Variants in KCNC1 observed in about 807,000 individuals in gnomAD.
The protein encoded by KCNC1 is voltage-gated potassium channel KCNC1.
In KCNC1, 8 loss-of-function variants were observed where a neutral mutation model predicts 43.4. The observed-to-expected ratio is 0.18, with a 90% confidence interval of 0.11 to 0.33. The LOEUF (loss-of-function observed/expected upper bound fraction) is 0.33, where lower values mean the gene tolerates loss of function less well. Ranked by LOEUF, KCNC1 falls within the 10% of genes least tolerant of loss-of-function variation. The pLI is 1.00. For missense variants in KCNC1, 420 were observed against 836.0 expected, an observed-to-expected ratio of 0.50 and a Z score of 6.14; for synonymous variants, 361 against 360.5, an observed-to-expected ratio of 1.00 and a Z score of -0.01.
intron 1 of KCNC1, among the ~76,000 whole-genome samples, chr11:17,768,766 C>T (rs967943006): frequency 3.3e-5 from 5 of 152,114 alleles, no homozygotes; most frequent in African/African-American, 1.2e-4. Flanking sequence ...TTGTTCCTCT[C>T]GTCCCATACA....
In KCNC1 at chr11:17,765,736, G is replaced by T. The variant is rs1245190165; in HGVS notation, c.571-5929G>T. ...GGGTGGCAACTGCCATGGCCAGCCT[G>T]GGTGACAGTTGCCTGAGGGCTGCCC... On this transcript the variant is annotated intron_variant, in intron 1 of 3. Transcript: ENST00000265969. 2.6e-5 allele frequency: 4 copies of T among 152,254 alleles called. No homozygotes were observed. The East Asian group carries it at 5.8e-4, about 22-fold the overall frequency. The allele number at this position is 152,254 out of a possible 1,614,324, so 9.4% of individuals were successfully genotyped here.
At chr11:17,759,529 C>T (rs1159091860) in intron 1 of KCNC1, among the ~76,000 whole-genome samples, 1 of 152,160 alleles carries the variant, frequency 6.6e-6, no homozygotes, top group Non-Finnish European at 1.5e-5. Flanking sequence ...CCTCACTAAG[C>T]GTAATCATTT....
chr11:17,762,074 G>A (rs1218264798), intron 1 of KCNC1, among the ~76,000 whole-genome samples: 4 of 152,126 alleles, frequency 2.6e-5, no homozygotes, highest in Non-Finnish European at 4.4e-5. Context: ...CCCATCCCAC[G>A]GGATCCCTCT....
chr11:17,742,386 T>G lies in KCNC1; in HGVS notation c.570+5814T>G, dbSNP rs1848853617. On this transcript the variant is annotated intron_variant, in intron 1 of 3. Coordinates refer to ENST00000265969, the MANE Select transcript of KCNC1 (RefSeq NM_001112741.2). The surrounding 1 kb of genome is among the most constrained non-coding windows in gnomAD (Gnocchi z 4.2). The stretch of plus-strand genomic sequence containing the variant: ...CAGGGTCCACTGCCTGGGCTGAGGA[T>G]CTCAAGGCCTCCACGACAGCTGAAT... Among the ~76,000 whole-genome samples the G allele has an allele frequency of 6.6e-6, 1 of 152,104 alleles. No homozygotes were observed. The highest frequency in any genetic ancestry group is 2.4e-5 in the African/African-American group (1 of 41,412).
At position 17,777,176 on chromosome 11, in the gene KCNC1, G is replaced by A. The variant is rs1018660561; in HGVS notation, c.1505-2280G>A. The A allele has an allele frequency of 4.9e-5, 48 of 985,460 alleles. No homozygotes were observed. Among genetic ancestry groups the A allele is most frequent in the Admixed American group, 1.2e-4 (2 of 16,268 alleles). The allele number at this position is 985,460 out of a possible 1,614,324, so 61.0% of individuals were successfully genotyped here. A position where few individuals can be genotyped will look rare whatever the true frequency, so the allele number is the denominator to read the frequency against. On this transcript the variant is annotated intron_variant, in intron 2 of 3. Transcript: ENST00000265969. The surrounding 1 kb of genome is among the most constrained non-coding windows in gnomAD (Gnocchi z 4.3). ...GGGCTTGTGGACAGAACCAGTGGGCGGGGGCCCAGCATTCAGAGCCAGAGA... is the reference window on the plus strand; with the variant it reads ...GGGCTTGTGGACAGAACCAGTGGGCAGGGGCCCAGCATTCAGAGCCAGAGA...
intron 2 of KCNC1, chr11:17,772,996 G>T: frequency 9.3e-7 from 1 of 1,075,332 alleles, no homozygotes; most frequent in Middle Eastern, 4.3e-4. Context: ...GGTGTGATTT[G>T]GAAACGCTAG....
rs1289063835 is a variant in KCNC1, at chr11:17,735,744, G to A, written c.-259G>A. ...TCTTTCCTCCTCTGCCTCCTCCGCTGCCGGACCAGCTCCCTCCCACATCTG... is the reference window on the plus strand; with the variant it reads ...TCTTTCCTCCTCTGCCTCCTCCGCTACCGGACCAGCTCCCTCCCACATCTG... On this transcript the variant is annotated 5_prime_UTR_variant, in exon 1 of 4. Transcript: ENST00000265969. The surrounding 1 kb of genome is among the most constrained non-coding windows in gnomAD (Gnocchi z 6.7). 1.2e-5 allele frequency: 4 copies of A among 329,354 alleles called. No individual in the cohort carries two copies. 20.4% of individuals were successfully genotyped at this position (329,354 alleles called of 1,614,324 possible).
Position 17,736,004 on chromosome 11 carries a change from TG to T in KCNC1, c.5del (p.Gly2?). ...CGCCATGCCTAAGGGGGCGCCGCGA[TG>T]GGCCAAGGGGACGAGAGCGAGCGCA... The part of the protein sequence containing the change: [M>X]GQGDESERIV... On this transcript the variant is annotated frameshift_variant and start_lost, in exon 1 of 4. Transcript: ENST00000265969. LOFTEE classifies it high-confidence loss of function. The surrounding 1 kb of genome is among the most constrained non-coding windows in gnomAD (Gnocchi z 9.3). The T allele has an allele frequency of 6.8e-7, 1 of 1,463,072 alleles. No homozygotes were observed. Among genetic ancestry groups the T allele is most frequent in the Non-Finnish European group, 9.0e-7 (1 of 1,111,018 alleles). 90.6% of individuals were successfully genotyped at this position (1,463,072 alleles called of 1,614,324 possible).
intron 2 of KCNC1, chr11:17,775,861 G>C (rs1849280379): frequency 1.0e-6 from 1 of 985,404 alleles, no homozygotes; most frequent in South Asian, 4.7e-5. Flanking sequence ...TGGGCTCCCT[G>C]GGAGCTAACC....
At chr11:17,745,709 G>A (rs372861002) in intron 1 of KCNC1, among the ~76,000 whole-genome samples, 42 of 152,092 alleles carry the variant, frequency 2.8e-4, no homozygotes, top group African/African-American at 9.6e-4. Flanking sequence ...CCCCAGCGCT[G>A]CCCATGCTTC....
intron 1 of KCNC1, among the ~76,000 whole-genome samples, chr11:17,750,651 G>A (rs780008826): frequency 6.6e-6 from 1 of 152,004 alleles, no homozygotes; most frequent in Non-Finnish European, 1.5e-5. Flanking sequence ...GATCACCCTG[G>A]GCCCCAATGT....
At chr11:17,753,443 T>C (rs963375920) in intron 1 of KCNC1, among the ~76,000 whole-genome samples, 1 of 152,220 alleles carries the variant, frequency 6.6e-6, no homozygotes, top group East Asian at 1.9e-4. Flanking sequence ...ATCAGTCAGA[T>C]CCCTGGCTGG....
At chr11:17,775,941 G>A in intron 2 of KCNC1, 1 of 985,446 alleles carries the variant, frequency 1.0e-6, no homozygotes, top group Non-Finnish European at 1.2e-6. Context: ...TACTTCCCCT[G>A]CTGGGCAGCA....
chr11:17,778,887 T>G (rs1849316311), intron 2 of KCNC1, among the ~76,000 whole-genome samples: 2 of 150,696 alleles, frequency 1.3e-5, no homozygotes, highest in African/African-American at 4.9e-5. Context: ...GTGGGGGTGG[T>G]GTGAACCAGG....
In KCNC1 at chr11:17,741,267, C is replaced by T. The variant is rs546585771; in HGVS notation, c.570+4695C>T. On this transcript the variant is annotated intron_variant, in intron 1 of 3. Coordinates refer to ENST00000265969, the MANE Select transcript of KCNC1 (RefSeq NM_001112741.2). The stretch of plus-strand genomic sequence containing the variant: ...AATCATAAACCAAGCGCCTCCTGGT[C>T]AGAGCCCTGCAGCCCCTTCACCGCT... 3.4e-5 allele frequency among the ~76,000 whole-genome samples: 5 copies of T among 146,062 alleles called. No individual in the cohort carries two copies. In the East Asian group the frequency reaches 1.0e-3, roughly 31 times the overall value.
At chr11:17,745,972 A>T (rs942506452) in intron 1 of KCNC1, among the ~76,000 whole-genome samples, 6 of 152,094 alleles carry the variant, frequency 3.9e-5, no homozygotes, top group Non-Finnish European at 8.8e-5. Flanking sequence ...GAGGGCAGGG[A>T]TTTTTGTCTC....
intron 1 of KCNC1, among the ~76,000 whole-genome samples, chr11:17,761,106 A>G (rs1459466834): frequency 6.6e-6 from 1 of 152,150 alleles, no homozygotes; most frequent in Non-Finnish European, 1.5e-5. Flanking sequence ...CTCGAGGACC[A>G]TGTCTCTCAC....
rs1345424102 is a variant in KCNC1 at position 17,779,041 on chromosome 11, C to T, written c.1505-415C>T. ...AGCAGAGGGGTCCGGAAAGGCCCCT[C>T]TCTGGACTGGAGTGTTTCTGCGTGT... is the stretch of plus-strand genomic sequence containing the variant. On this transcript the variant is annotated intron_variant, in intron 2 of 3. Transcript: ENST00000265969. The surrounding 1 kb of genome is among the most constrained non-coding windows in gnomAD (Gnocchi z 7.2). The T allele has an allele frequency of 6.2e-6, 1 of 160,842 alleles. No homozygotes were observed. The highest frequency in any genetic ancestry group is 1.4e-5 in the Non-Finnish European group (1 of 73,900). 10.0% of individuals were successfully genotyped at this position (160,842 alleles called of 1,614,324 possible).
Position 17,772,087 on chromosome 11 carries a change from G to A in KCNC1, c.993G>A (p.Leu331=), listed in dbSNP as rs1849236421. Residue 331 remains leucine (L), a synonymous_variant, in exon 2 of 4, where the codon CTG becomes CTA. Transcript: ENST00000265969. ...IFKLTRHFVG[L]RVLGHTLRAS... is the part of the protein sequence containing the mutation. ...AGCTGACCCGCCACTTTGTGGGCCT[G>A]CGGGTCCTGGGCCACACGCTCCGAG... 3 of 1,613,578 alleles carry A rather than the reference G, an allele frequency of 1.9e-6. No individual in the cohort carries two copies. The highest frequency in any genetic ancestry group is 2.2e-5 in the South Asian group (2 of 91,082).
Sources: allele counts gnomAD v4.1 joint callset (sites outside exome capture counted in the v4.1 genomes callset), GRCh38; gene constraint gnomAD v4.1.1; non-coding constraint Gnocchi (gnomAD v3.1); transcripts MANE v1.5; gene names NCBI Gene and HGNC (gene_info 2026-07-23, HGNC 2026-07-21).